Variants in PTPN1 observed in about 807,000 individuals in gnomAD.
The protein encoded by PTPN1 is tyrosine-protein phosphatase non-receptor type 1.
Under a neutral mutation model 59.9 loss-of-function variants are expected in PTPN1, and 12 were observed. The ratio of observed to expected loss-of-function variants is 0.20; its 90% CI spans 0.13 to 0.32. The LOEUF is 0.32. Ranked by LOEUF, PTPN1 falls within the 10% of genes least tolerant of loss-of-function variation. The pLI is 1.00. For synonymous variants in PTPN1, 178 were observed against 203.6 expected, an observed-to-expected ratio of 0.87 and a Z score of 1.07; for missense variants, 356 against 549.2, an observed-to-expected ratio of 0.65 and a Z score of 3.52.
chr20:50,571,872 C>T (rs907922891), intron 4 of PTPN1: 13 of 152,354 alleles, frequency 8.5e-5, no homozygotes, highest in African/African-American at 3.1e-4. Context: ...CCGTATCTCC[C>T]TCCTGAAATC....
At chr20:50,569,476 C>A (rs538939613) in intron 4 of PTPN1, among the ~76,000 whole-genome samples, 1 of 152,102 alleles carries the variant, frequency 6.6e-6, no homozygotes, top group Middle Eastern at 3.2e-3. Context: ...TGAGAATAGC[C>A]GATTTCTGGG....
At chr20:50,541,422 A>C (rs1406346030) in intron 1 of PTPN1, among the ~76,000 whole-genome samples, 1 of 152,160 alleles carries the variant, frequency 6.6e-6, no homozygotes, top group Admixed American at 6.5e-5. Context: ...TGTGCTGATG[A>C]CCAAGCTAGA....
intron 1 of PTPN1, among the ~76,000 whole-genome samples, chr20:50,540,131 C>G (rs1423039443): frequency 6.6e-6 from 1 of 152,190 alleles, no homozygotes; most frequent in Non-Finnish European, 1.5e-5. Context: ...TCTCGGCTCA[C>G]TGCAACCTCC....
At chr20:50,574,350 A>C (rs2082825546) in intron 4 of PTPN1, 167 bp from the exon 5 acceptor site, 8 of 637,642 alleles carry the variant, frequency 1.3e-5, no homozygotes, top group South Asian at 5.4e-5. Flanking sequence ...TCGTGCCCCC[A>C]CCCCCATCTC....
chr20:50,560,384 T>C (rs996516669), intron 1 of PTPN1, among the ~76,000 whole-genome samples: 1 of 152,164 alleles, frequency 6.6e-6, no homozygotes, highest in African/African-American at 2.4e-5. Flanking sequence ...CCCAGATGGC[T>C]CTACCTTTAT....
rs567222280 is a variant in PTPN1 at position 50,525,434 on chromosome 20, A to G, written c.63+14844A>G. 5.1e-4 allele frequency among the ~76,000 whole-genome samples: 77 copies of G among 152,386 alleles called. 1 individual carries two copies. The highest frequency in any genetic ancestry group is 1.8e-3 in the African/African-American group (73 of 41,596). ...ATTTCCTGATTGCTCCCCGTTTACC[A>G]TTCACACATTTATTAAATTCTTCGC... On this transcript the variant is annotated intron_variant, in intron 1 of 9. Transcript: ENST00000371621.
At chr20:50,560,933 A>G (rs2082749305) in intron 1 of PTPN1, among the ~76,000 whole-genome samples, 1 of 152,106 alleles carries the variant, frequency 6.6e-6, no homozygotes, top group Non-Finnish European at 1.5e-5. Context: ...TCTATTTTTA[A>G]TAATCGTAGC....
At chr20:50,577,877 A>T (rs569268996) in intron 5 of PTPN1, 1 of 154,434 alleles carries the variant, frequency 6.5e-6, no homozygotes, top group African/African-American at 2.4e-5. Context: ...CTGCCTCTTC[A>T]GCTGGGTGTT....
At chr20:50,555,078 CAAATT>C (rs1254772719) in intron 1 of PTPN1, among the ~76,000 whole-genome samples, 2 of 151,870 alleles carry the variant, frequency 1.3e-5, no homozygotes, top group Non-Finnish European at 2.9e-5. Context: ...AGAAAAAGAA[CAAATT>C]AAATCCAAAG....
chr20:50,560,919 T>A (rs573831694), intron 1 of PTPN1, among the ~76,000 whole-genome samples: 1 of 152,166 alleles, frequency 6.6e-6, no homozygotes, highest in East Asian at 1.9e-4. Context: ...AAAAGTACAT[T>A]TTATCTATTT....
At chr20:50,534,730 C>CA (rs1555828129) in intron 1 of PTPN1, among the ~76,000 whole-genome samples, 1 of 148,424 alleles carries the variant, frequency 6.7e-6, no homozygotes, top group Non-Finnish European at 1.5e-5. Flanking sequence ...AATCCTTATC[C>CA]TTTTTTTTTT....
At chr20:50,562,889 T>A (rs1347615666) in intron 2 of PTPN1, 1 of 152,222 alleles carries the variant, frequency 6.6e-6, no homozygotes. Flanking sequence ...GTTGCTCTAA[T>A]TAGGGAATAA....
chr20:50,542,881 G>A (rs1325356139), intron 1 of PTPN1, among the ~76,000 whole-genome samples: 3 of 152,256 alleles, frequency 2.0e-5, no homozygotes, highest in East Asian at 1.9e-4. Flanking sequence ...GTTGCCCAAG[G>A]CTTGTGACTA....
At chr20:50,569,311 G>A (rs947690521) in intron 4 of PTPN1, among the ~76,000 whole-genome samples, 4 of 152,202 alleles carry the variant, frequency 2.6e-5, no homozygotes, top group Admixed American at 6.5e-5. Flanking sequence ...CTTTAGCCAG[G>A]ACAAAGTTTT....
chr20:50,567,940 G>A (rs1044471915), intron 3 of PTPN1, among the ~76,000 whole-genome samples: 8 of 152,326 alleles, frequency 5.3e-5, no homozygotes, highest in African/African-American at 1.9e-4. Context: ...GGGGCAGGGA[G>A]CGATGAAGTG....
intron 1 of PTPN1, among the ~76,000 whole-genome samples, chr20:50,524,368 A>G (rs893172795): frequency 6.6e-6 from 1 of 152,126 alleles, no homozygotes; most frequent in African/African-American, 2.4e-5. Flanking sequence ...TTTGATTTGT[A>G]CAAAAAAAAT....
At chr20:50,520,732 A>G (rs1021341077) in intron 1 of PTPN1, among the ~76,000 whole-genome samples, 1 of 152,186 alleles carries the variant, frequency 6.6e-6, no homozygotes, top group Non-Finnish European at 1.5e-5. Flanking sequence ...AGCCACCCTG[A>G]GCATGTGCAC....
chr20:50,534,790 A>G (rs1255678585), intron 1 of PTPN1, among the ~76,000 whole-genome samples: 1 of 152,020 alleles, frequency 6.6e-6, no homozygotes, highest in Admixed American at 6.5e-5. Context: ...CAGTGGTGCA[A>G]TCATAGCTTA....
At chr20:50,566,408 C>T (rs373807624) in intron 3 of PTPN1, among the ~76,000 whole-genome samples, 2 of 152,104 alleles carry the variant, frequency 1.3e-5, no homozygotes, top group African/African-American at 4.8e-5. Context: ...CTGCCTACCC[C>T]GCATCCTAGC....
Sources: allele counts gnomAD v4.1 joint callset (sites outside exome capture counted in the v4.1 genomes callset), GRCh38; gene constraint gnomAD v4.1.1; transcripts MANE v1.5; gene names NCBI Gene and HGNC (gene_info 2026-07-23, HGNC 2026-07-21).